The following TVP23B variants were observed in gnomAD, a reference collection of about 807,000 sequenced individuals.
TVP23B encodes the protein Golgi apparatus membrane protein TVP23 homolog B.
In TVP23B, 10 loss-of-function variants were observed where a neutral mutation model predicts 30.6. The observed-to-expected ratio is 0.33, with a 90% CI of 0.20 to 0.55. TVP23B has a LOEUF of 0.55. TVP23B is among the 20% of genes least tolerant of loss of function. TVP23B has a pLI of 0.91. For missense variants in TVP23B, 153 were observed against 243.2 expected, an observed-to-expected ratio of 0.63 and a Z score of 2.47; for synonymous variants, 67 against 83.1, an observed-to-expected ratio of 0.81 and a Z score of 1.06.
chr17:18,785,878 T>C (rs1174055395), intron 1 of TVP23B, among the ~76,000 whole-genome samples: 2 of 151,694 alleles, frequency 1.3e-5, no homozygotes, highest in East Asian at 3.8e-4. Flanking sequence ...AGGTACTGTA[T>C]AAATTTCCTG....
chr17:18,791,728 G>A (rs892855785), intron 3 of TVP23B, among the ~76,000 whole-genome samples: 10 of 151,854 alleles, frequency 6.6e-5, no homozygotes, highest in African/African-American at 4.8e-5. Context: ...CTGCTGTAGG[G>A]GATAGAAAGA....
At chr17:18,785,998 GAATC>G (rs1216908865) in intron 1 of TVP23B, among the ~76,000 whole-genome samples, 1 of 152,126 alleles carries the variant, frequency 6.6e-6, no homozygotes, top group Non-Finnish European at 1.5e-5. Context: ...GGGTTCTGGA[GAATC>G]AGTTTCCTTG....
chr17:18,804,261 A>G lies in TVP23B; in HGVS notation c.586A>G (p.Arg196Gly), dbSNP rs1327731993. ...TTCATATTTTGGAAAGCAGTTTTTA[A>G]GACAAGTAAGTGTTTTCTGGATGTG... The part of the protein sequence containing the change: ...ATSYFGKQFL[R>G]QNTGDDQTS Residue 196 changes from arginine (R) to glycine (G), a missense_variant, in exon 6 of 7, where the codon AGA (arginine) becomes GGA (glycine). By Grantham distance (125) the Arg-to-Gly change is moderately radical. Coordinates refer to ENST00000307767, the MANE Select transcript of TVP23B (RefSeq NM_016078.6). 6.2e-7 allele frequency: 1 copy of G among 1,603,912 alleles called. No individual in the cohort carries two copies. Among genetic ancestry groups the G allele is most frequent in the Non-Finnish European group, 8.5e-7 (1 of 1,173,710 alleles).
rs1311180680 is a variant in TVP23B at position 18,790,938 on chromosome 17, T to C, written c.138T>C (p.Ser46=). The C allele has an allele frequency of 1.2e-6, 2 of 1,613,164 alleles. No individual in the cohort carries two copies. The highest frequency in any genetic ancestry group is 1.7e-6 in the Non-Finnish European group (2 of 1,179,650). The change falls in exon 3 of 7, where the codon AGT becomes AGC. Residue 46 remains serine, a synonymous_variant. Coordinates refer to ENST00000307767, the MANE Select transcript of TVP23B (RefSeq NM_016078.6). ...ASFFHLFFRV[S]AIIVYLLCGL... ...TTTTCCACTTATTCTTTCGAGTCAG[T>C]GCAATCATCGTCTATCTTCTCTGTG...
At chr17:18,795,535 A>G (rs1163177575) in intron 3 of TVP23B, among the ~76,000 whole-genome samples, 2 of 151,982 alleles carry the variant, frequency 1.3e-5, no homozygotes, top group African/African-American at 2.4e-5. Flanking sequence ...CTCCCACATC[A>G]CCTTCATACA....
chr17:18,805,020 G>A (rs2151853435), intron 6 of TVP23B, among the ~76,000 whole-genome samples: 2 of 149,612 alleles, frequency 1.3e-5, no homozygotes, highest in East Asian at 4.0e-4. Flanking sequence ...TCAGCAGGAT[G>A]AGTAGTAGTC....
intron 5 of TVP23B, among the ~76,000 whole-genome samples, chr17:18,801,149 C>T (rs1267927816): frequency 1.3e-5 from 2 of 152,216 alleles, no homozygotes; most frequent in Non-Finnish European, 2.9e-5. Flanking sequence ...TTAGCTTTGT[C>T]AGCTCCGTTT....
intron 3 of TVP23B, among the ~76,000 whole-genome samples, chr17:18,793,346 A>G: frequency 6.6e-6 from 1 of 151,522 alleles, no homozygotes; most frequent in Non-Finnish European, 1.5e-5. Context: ...GGTGGCTCAC[A>G]CCTATAATCC....
chr17:18,801,583 G>A (rs1260367559), intron 5 of TVP23B, among the ~76,000 whole-genome samples: 2 of 152,020 alleles, frequency 1.3e-5, no homozygotes, highest in Non-Finnish European at 2.9e-5. Context: ...GGGCTGCCTG[G>A]TTTTGCGTTC....
intron 5 of TVP23B, among the ~76,000 whole-genome samples, chr17:18,803,924 T>A (rs1265701885): frequency 1.3e-5 from 2 of 151,804 alleles, no homozygotes; most frequent in African/African-American, 4.8e-5. Context: ...CAGTAAATAT[T>A]TGCTGGGTGA....
intron 1 of TVP23B, among the ~76,000 whole-genome samples, chr17:18,788,384 A>C (rs1247359331): frequency 6.7e-6 from 1 of 149,050 alleles, no homozygotes; most frequent in East Asian, 2.0e-4. Flanking sequence ...TGCTTTGGGA[A>C]GGTAGAGGAT....
At chr17:18,804,469 C>G (rs1414639359) in intron 6 of TVP23B, 34 of 1,256,092 alleles carry the variant, frequency 2.7e-5, no homozygotes, top group Non-Finnish European at 3.3e-5. Flanking sequence ...ATTTTAAAGC[C>G]AGGAAGGATA....
At chr17:18,803,750 T>C (rs1159399025) in intron 5 of TVP23B, among the ~76,000 whole-genome samples, 2 of 152,260 alleles carry the variant, frequency 1.3e-5, no homozygotes, top group East Asian at 3.8e-4. Context: ...GACTGTTCTT[T>C]TGTAATTCTT....
intron 1 of TVP23B, among the ~76,000 whole-genome samples, chr17:18,786,679 G>A (rs1237813993): frequency 2.0e-5 from 3 of 152,178 alleles, no homozygotes; most frequent in African/African-American, 7.2e-5. Context: ...TTAAGAAAAA[G>A]CATTCTAATT....
intron 1 of TVP23B, chr17:18,781,638 C>T (rs1298566419): frequency 5.1e-6 from 2 of 389,502 alleles, no homozygotes; most frequent in Non-Finnish European, 9.2e-6. Flanking sequence ...CTCTTAGCTT[C>T]CTGACACCCA....
intron 5 of TVP23B, chr17:18,799,221 A>G (rs1389261310): frequency 8.6e-6 from 1 of 115,848 alleles, no homozygotes; most frequent in East Asian, 2.7e-4. Flanking sequence ...TCACTCCAAA[A>G]CATAGTGGCT....
Position 18,781,265 on chromosome 17 carries a change from C to T in TVP23B, c.-29C>T. On this transcript the variant is annotated 5_prime_UTR_variant, in exon 1 of 7. Transcript: ENST00000307767. ...CGTACGCTGCTGCGCTGACGTGGCT[C>T]CCGGAAGTAGGGCTGGCGTAGGGCC... is the stretch of plus-strand genomic sequence containing the variant. The T allele has an allele frequency of 1.9e-6, 3 of 1,564,774 alleles. No individual in the cohort carries two copies. The highest frequency in any genetic ancestry group is 8.7e-7 in the Non-Finnish European group (1 of 1,155,590).
At chr17:18,789,306 A>T (rs1199314342) in intron 1 of TVP23B, 47 bp from the exon 2 acceptor site, 3 of 1,613,246 alleles carry the variant, frequency 1.9e-6, no homozygotes, top group Non-Finnish European at 2.5e-6. Flanking sequence ...TGGCTGTGTA[A>T]ACACTGAATT....
At chr17:18,792,377 G>A (rs1157655656) in intron 3 of TVP23B, among the ~76,000 whole-genome samples, 2 of 152,206 alleles carry the variant, frequency 1.3e-5, no homozygotes, top group Non-Finnish European at 2.9e-5. Flanking sequence ...TTGGCTTGGT[G>A]ATGGCCAGTT....
Sources: gnomAD v4.1 joint callset for allele counts (sites outside exome capture counted in the v4.1 genomes callset) on GRCh38, gnomAD v4.1.1 for gene constraint, MANE v1.5 for transcripts, NCBI Gene and HGNC (gene_info 2026-07-23, HGNC 2026-07-21) for gene names.